Variants in ARID5B observed in about 807,000 individuals in gnomAD.
ARID5B encodes the protein AT-rich interactive domain-containing protein 5B.
A neutral mutation model predicts 97.2 loss-of-function variants in ARID5B; 13 were observed. The observed-to-expected ratio is 0.13, with a 90% CI of 0.09 to 0.21. The LOEUF (loss-of-function observed/expected upper bound fraction) is 0.21, where lower values mean the gene tolerates loss of function less well. Ranked by LOEUF, ARID5B falls within the 10% of genes least tolerant of loss-of-function variation. ARID5B has a pLI of 1.00. For synonymous variants in ARID5B, 556 were observed against 570.3 expected (o/e 0.97, Z 0.36); for missense variants, 1,210 against 1,465.3 (o/e 0.83, Z 2.84).
chr10:62,016,253 C>T (rs188519734), intron 4 of ARID5B, among the ~76,000 whole-genome samples: 251 of 152,328 alleles, frequency 1.6e-3, no homozygotes, highest in Admixed American at 3.6e-3. Flanking sequence ...TGACAGCTGA[C>T]TTGAGTATGG....
Position 62,091,557 on chromosome 10 carries a change from A to G in ARID5B, c.2094A>G (p.Gln698=). Residue 698 remains glutamine, a synonymous_variant, in exon 10 of 10, where the codon CAA becomes CAG. Coordinates refer to ENST00000279873, the MANE Select transcript of ARID5B (RefSeq NM_032199.3). ...TGGCCAAGAAAAAGCTTTTGTCCCA[A>G]GTGAGTGGGGCCAGCCTCTCCAGCA... The part of the protein sequence containing the change: ...SPLAKKKLLS[Q]VSGASLSSSY... The G allele has an allele frequency of 6.2e-7, 1 of 1,613,176 alleles. No homozygotes were observed. The highest frequency in any genetic ancestry group is 8.5e-7 in the Non-Finnish European group (1 of 1,179,668).
chr10:62,009,128 G>T (rs1839183981), intron 4 of ARID5B, among the ~76,000 whole-genome samples: 1 of 152,202 alleles, frequency 6.6e-6, no homozygotes, highest in South Asian at 2.1e-4. Flanking sequence ...TGCCTGCTCA[G>T]GAAATCTTCT....
chr10:61,909,102 C>T (rs867188781), intron 2 of ARID5B, among the ~76,000 whole-genome samples: 3 of 152,142 alleles, frequency 2.0e-5, no homozygotes, highest in South Asian at 2.1e-4. Flanking sequence ...ATGAACAAGA[C>T]AGACAAAAAT....
At chr10:61,902,045 T>A (rs1027404962) in intron 1 of ARID5B, 114 bp from the exon 2 acceptor site, 1 of 1,227,116 alleles carries the variant, frequency 8.1e-7, no homozygotes, top group Non-Finnish European at 1.1e-6. Context: ...GCGTTATATC[T>A]GTTGGGTCGT....
chr10:62,011,928 C>A (rs1304745962), intron 4 of ARID5B, among the ~76,000 whole-genome samples: 1 of 152,068 alleles, frequency 6.6e-6, no homozygotes, highest in African/African-American at 2.4e-5. Flanking sequence ...ATACAGCAAA[C>A]CCTAATTAAC....
intron 2 of ARID5B, among the ~76,000 whole-genome samples, chr10:61,919,773 A>AT (rs1843978341): frequency 6.6e-6 from 1 of 152,184 alleles, no homozygotes; most frequent in Non-Finnish European, 1.5e-5. Context: ...TTTAGCAACA[A>AT]TGCATTGGTT....
intron 2 of ARID5B, among the ~76,000 whole-genome samples, chr10:61,937,335 G>C (rs1844322984): frequency 6.6e-6 from 1 of 152,176 alleles, no homozygotes; most frequent in Non-Finnish European, 1.5e-5. Flanking sequence ...ACACTTGGAA[G>C]GGCCCGCCAT....
At position 62,061,018 on chromosome 10, in the gene ARID5B, T is replaced by TC. The variant is rs574298192; in HGVS notation, c.1101+1723_1101+1724insC. Among the ~76,000 whole-genome samples, 144 of 152,336 alleles carry TC rather than the reference T, an allele frequency of 9.5e-4. 2 individuals carry two copies. Among genetic ancestry groups the TC allele is most frequent in the African/African-American group, 3.3e-3 (136 of 41,576 alleles). On this transcript the variant is annotated intron_variant, in intron 7 of 9. Coordinates refer to ENST00000279873, the MANE Select transcript of ARID5B (RefSeq NM_032199.3). Reference sequence around the variant, plus strand: ...CTCTTTGAACAAATAGTATTTATCCTTTTGTTGGATGAATGAATGACCACA... The same window carrying TC: ...CTCTTTGAACAAATAGTATTTATCCTCTTTGTTGGATGAATGAATGACCACA...
intron 2 of ARID5B, among the ~76,000 whole-genome samples, chr10:61,914,936 C>T (rs896724554): frequency 2.0e-5 from 3 of 152,124 alleles, no homozygotes; most frequent in South Asian, 2.1e-4. Flanking sequence ...GACCAGTGGG[C>T]GAGCTTAGTT....
chr10:61,977,319 C>T lies in ARID5B; in HGVS notation c.503-22772C>T, dbSNP rs148207598. On this transcript the variant is annotated intron_variant, in intron 3 of 9. Coordinates refer to ENST00000279873, the MANE Select transcript of ARID5B (RefSeq NM_032199.3). ...TGTGAATAGTGCTGCAATAAACATA[C>T]GTGTGTATGTGTCTTTACAGCAGCA... Among the ~76,000 whole-genome samples, 483 of 152,226 alleles carry T rather than the reference C, an allele frequency of 3.2e-3. 1 individual carries two copies. Among genetic ancestry groups the T allele is most frequent in the African/African-American group, 0.011 (459 of 41,532 alleles).
chr10:62,087,635 C>T (rs960705121), intron 9 of ARID5B, among the ~76,000 whole-genome samples: 5 of 151,552 alleles, frequency 3.3e-5, no homozygotes, highest in African/African-American at 9.7e-5. Context: ...CCTAAAAAAT[C>T]AGGTTTATAA....
chr10:62,014,671 C>A (rs1839260519), intron 4 of ARID5B, among the ~76,000 whole-genome samples: 1 of 152,154 alleles, frequency 6.6e-6, no homozygotes, highest in South Asian at 2.1e-4. Flanking sequence ...CTCTCTGGGA[C>A]TCCACGTCTT....
At chr10:61,908,642 A>G (rs1843743992) in intron 2 of ARID5B, among the ~76,000 whole-genome samples, 1 of 151,996 alleles carries the variant, frequency 6.6e-6, no homozygotes, top group Admixed American at 6.6e-5. Context: ...TACTAAAAAT[A>G]CAAAAAAATT....
intron 4 of ARID5B, among the ~76,000 whole-genome samples, chr10:62,023,336 A>G (rs996575002): frequency 2.0e-5 from 3 of 152,232 alleles, no homozygotes; most frequent in African/African-American, 7.2e-5. Context: ...CATCATTCAT[A>G]GTATATTAAC....
chr10:62,095,316 T>C lies in ARID5B; in HGVS notation c.*2286T>C. Reference sequence around the variant, plus strand: ...ACATGGAAGAAAAAGGAAACTTCGGTGGTTCTGCAGCAGACATGGGCTAGG... The same window carrying C: ...ACATGGAAGAAAAAGGAAACTTCGGCGGTTCTGCAGCAGACATGGGCTAGG... On this transcript the variant is annotated 3_prime_UTR_variant, in exon 10 of 10. Coordinates refer to ENST00000279873, the MANE Select transcript of ARID5B (RefSeq NM_032199.3). 4.3e-6 allele frequency: 1 copy of C among 233,010 alleles called. No individual in the cohort carries two copies. Among genetic ancestry groups the C allele is most frequent in the Non-Finnish European group, 8.5e-6 (1 of 117,840 alleles). 14.4% of individuals were successfully genotyped at this position (233,010 alleles called of 1,614,324 possible). A position where few individuals can be genotyped will look rare whatever the true frequency, so the allele number is the denominator to read the frequency against.
chr10:61,940,173 C>A lies in ARID5B; in HGVS notation c.277-10C>A, dbSNP rs747708992. The A allele has an allele frequency of 1.9e-6, 3 of 1,613,694 alleles. No individual in the cohort carries two copies. The highest frequency in any genetic ancestry group is 8.5e-7 in the Non-Finnish European group (1 of 1,179,594). On this transcript the variant is annotated splice_polypyrimidine_tract_variant and intron_variant, in intron 2 of 9. Coordinates refer to ENST00000279873, the MANE Select transcript of ARID5B (RefSeq NM_032199.3). Reference sequence around the variant, plus strand: ...AACGTTTTTTGTTCTTCCCCAACCACCTCTTGTAGGATGAAGTCATTGCTG... The same window carrying A: ...AACGTTTTTTGTTCTTCCCCAACCAACTCTTGTAGGATGAAGTCATTGCTG...
chr10:62,002,015 G>A (rs777924932), intron 4 of ARID5B, among the ~76,000 whole-genome samples: 7 of 151,984 alleles, frequency 4.6e-5, no homozygotes, highest in Non-Finnish European at 7.4e-5. Flanking sequence ...GCTCCCAAAC[G>A]TTGCTTCCTA....
intron 4 of ARID5B, among the ~76,000 whole-genome samples, chr10:62,033,266 G>A (rs1839520015): frequency 6.6e-6 from 1 of 151,252 alleles, no homozygotes; most frequent in Admixed American, 6.6e-5. Flanking sequence ...ACTTGGCATA[G>A]TCTCTCTCTC....
At chr10:61,992,950 C>T (rs571936034) in intron 3 of ARID5B, among the ~76,000 whole-genome samples, 18 of 152,284 alleles carry the variant, frequency 1.2e-4, no homozygotes, top group African/African-American at 2.6e-4. Context: ...GTGTAATTTA[C>T]GTCACAGTTT....
Sources: allele counts gnomAD v4.1 joint callset (sites outside exome capture counted in the v4.1 genomes callset), GRCh38; gene constraint gnomAD v4.1.1; transcripts MANE v1.5; gene names NCBI Gene and HGNC (gene_info 2026-07-23, HGNC 2026-07-21).